The following ULK4 variants were observed in gnomAD, a reference collection of about 807,000 sequenced individuals.
ULK4 encodes the protein inactive serine/threonine-protein kinase ULK4.
In ULK4, 133 loss-of-function variants were observed where a neutral mutation model predicts 160.6. The ratio of observed to expected loss-of-function variants is 0.83; its 90% CI spans 0.72 to 0.96. ULK4 has a LOEUF of 0.96. Ranked by LOEUF, ULK4 falls within the 40% of genes least tolerant of loss-of-function variation. ULK4 has a pLI of 0.00. For missense variants in ULK4, 1,580 were observed against 1,499.5 expected (o/e 1.05, Z -0.89); for synonymous variants, 534 against 539.8 (o/e 0.99, Z 0.15).
intron 20 of ULK4, among the ~76,000 whole-genome samples, chr3:41,795,569 A>G (rs1055616959): frequency 3.9e-5 from 6 of 152,234 alleles, no homozygotes; most frequent in African/African-American, 1.4e-4. Flanking sequence ...TAATAAAATA[A>G]ACATAACTAA....
intron 34 of ULK4, among the ~76,000 whole-genome samples, chr3:41,427,853 A>C (rs755760351): frequency 5.9e-5 from 9 of 152,176 alleles, no homozygotes; most frequent in Admixed American, 3.3e-4. Context: ...CCCCTTAAAA[A>C]CTGGCACAAG....
At chr3:41,866,876 G>T (rs771711530) in intron 17 of ULK4, among the ~76,000 whole-genome samples, 19 of 152,180 alleles carry the variant, frequency 1.2e-4, no homozygotes, top group South Asian at 4.2e-4. Flanking sequence ...TTTTCCATTT[G>T]TCAAGTATGA....
intron 27 of ULK4, among the ~76,000 whole-genome samples, chr3:41,691,943 C>CTTTTT (rs751734628): frequency 4.2e-4 from 40 of 96,344 alleles, no homozygotes; most frequent in African/African-American, 1.8e-3. Flanking sequence ...CAAATCACTT[C>CTTTTT]TTTTTTTTTT....
chr3:41,329,867 T>C (rs1488142630), intron 35 of ULK4, among the ~76,000 whole-genome samples: 1 of 152,204 alleles, frequency 6.6e-6, no homozygotes, highest in African/African-American at 2.4e-5. Context: ...TAGAAGAGCA[T>C]ATTAGATTTG....
At chr3:41,302,535 A>G (rs1232868302) in intron 35 of ULK4, among the ~76,000 whole-genome samples, 1 of 152,230 alleles carries the variant, frequency 6.6e-6, no homozygotes, top group East Asian at 1.9e-4. Flanking sequence ...CTGTGCTCTA[A>G]AGAGGCAGTT....
intron 34 of ULK4, among the ~76,000 whole-genome samples, chr3:41,445,874 G>C (rs1034364060): frequency 6.6e-6 from 1 of 152,038 alleles, no homozygotes; most frequent in Non-Finnish European, 1.5e-5. Context: ...ATTGACAAAT[G>C]GGATCTCATT....
intron 17 of ULK4, among the ~76,000 whole-genome samples, chr3:41,852,905 C>T (rs1285951272): frequency 6.6e-6 from 1 of 152,018 alleles, no homozygotes; most frequent in Non-Finnish European, 1.5e-5. Flanking sequence ...GACCTTGATA[C>T]TAAAAGAAGC....
intron 16 of ULK4, among the ~76,000 whole-genome samples, chr3:41,894,096 A>AG (rs1335526161): frequency 6.6e-6 from 1 of 152,230 alleles, no homozygotes; most frequent in Non-Finnish European, 1.5e-5. Flanking sequence ...TTGGTATCCA[A>AG]GGGGATACTA....
At chr3:41,486,493 A>G (rs546580815) in intron 32 of ULK4, among the ~76,000 whole-genome samples, 25 of 152,268 alleles carry the variant, frequency 1.6e-4, no homozygotes, top group African/African-American at 6.0e-4. Flanking sequence ...CAGGCAGGGG[A>G]GTGGGAGAGT....
intron 27 of ULK4, among the ~76,000 whole-genome samples, chr3:41,696,129 T>G (rs1220209132): frequency 6.6e-6 from 1 of 152,090 alleles, no homozygotes; most frequent in African/African-American, 2.4e-5. Flanking sequence ...CGGGGGAGTT[T>G]AGAAAAGACT....
chr3:41,576,034 T>C (rs2088177971), intron 31 of ULK4, among the ~76,000 whole-genome samples: 1 of 152,146 alleles, frequency 6.6e-6, no homozygotes, highest in African/African-American at 2.4e-5. Flanking sequence ...CTGCCTGTAG[T>C]GTTGAAAGAG....
chr3:41,422,065 G>A (rs1337478290), intron 34 of ULK4, among the ~76,000 whole-genome samples: 1 of 151,840 alleles, frequency 6.6e-6, no homozygotes, highest in Non-Finnish European at 1.5e-5. Flanking sequence ...AATCTTAGCA[G>A]AATAATAAAG....
intron 32 of ULK4, among the ~76,000 whole-genome samples, chr3:41,475,506 A>T (rs2084113829): frequency 6.6e-6 from 1 of 152,224 alleles, no homozygotes; most frequent in African/African-American, 2.4e-5. Flanking sequence ...ACAAAAAAAT[A>T]AGTATTTGAG....
chr3:41,810,827 C>A (rs943443153), intron 19 of ULK4, among the ~76,000 whole-genome samples: 1 of 151,636 alleles, frequency 6.6e-6, no homozygotes, highest in African/African-American at 2.4e-5. Context: ...CCTTTTTTTC[C>A]CTCTCACATT....
intron 13 of ULK4, among the ~76,000 whole-genome samples, chr3:41,900,515 T>TA: frequency 6.6e-6 from 1 of 152,112 alleles, no homozygotes; most frequent in South Asian, 2.1e-4. Flanking sequence ...GGAGAAAACT[T>TA]AGAACTCCAG....
At position 41,375,713 on chromosome 3, in the gene ULK4, G is replaced by C. The variant is rs373241764; in HGVS notation, c.3678+22366C>G. Among the ~76,000 whole-genome samples the C allele has an allele frequency of 2.1e-4, 31 of 150,448 alleles. 3 individuals are homozygous for C. In the East Asian group the frequency reaches 2.9e-3, roughly 14 times the overall value. The stretch of plus-strand genomic sequence containing the variant: ...CCTAGCCAATACCATTCAGGACACA[G>C]GCATGGGCAAAGACTTCATGACTAA... On this transcript the variant is annotated intron_variant, in intron 35 of 36. Coordinates refer to ENST00000301831, the MANE Select transcript of ULK4 (RefSeq NM_017886.4).
intron 35 of ULK4, among the ~76,000 whole-genome samples, chr3:41,330,026 A>G (rs768239881): frequency 2.6e-5 from 4 of 152,164 alleles, no homozygotes; most frequent in African/African-American, 7.2e-5. Flanking sequence ...TCCTCTCTAC[A>G]TAGTTAAACT....
At chr3:41,380,237 T>G (rs142978481) in intron 35 of ULK4, among the ~76,000 whole-genome samples, 56 of 152,162 alleles carry the variant, frequency 3.7e-4, no homozygotes, top group African/African-American at 9.6e-4. Context: ...GAATGCTAAT[T>G]TGAATAGCAA....
chr3:41,503,663 T>C (rs2085284317), intron 32 of ULK4, among the ~76,000 whole-genome samples: 2 of 152,206 alleles, frequency 1.3e-5, no homozygotes, highest in African/African-American at 4.8e-5. Context: ...TTATATCTTT[T>C]CAGATTATAT....
Sources: allele counts gnomAD v4.1 joint callset (sites outside exome capture counted in the v4.1 genomes callset), GRCh38; gene constraint gnomAD v4.1.1; transcripts MANE v1.5; gene names NCBI Gene and HGNC (gene_info 2026-07-23, HGNC 2026-07-21).